Variants in ETV6 observed in about 807,000 individuals in gnomAD.
ETV6 encodes ETS variant transcription factor 6.
In ETV6, 16 loss-of-function variants were observed where a neutral mutation model predicts 51.1. The observed-to-expected ratio is 0.31, with a 90% CI of 0.21 to 0.48. The LOEUF (loss-of-function observed/expected upper bound fraction) is 0.48, where lower values mean the gene tolerates loss of function less well. Ranked by LOEUF, ETV6 falls within the 20% of genes least tolerant of loss-of-function variation. The pLI, the probability that ETV6 is intolerant of heterozygous loss-of-function variation, is 0.99. For missense variants in ETV6, 458 were observed against 594.8 expected, an observed-to-expected ratio of 0.77 and a Z score of 2.39; for synonymous variants, 240 against 224.1, an observed-to-expected ratio of 1.07 and a Z score of -0.64.
intron 2 of ETV6, among the ~76,000 whole-genome samples, chr12:11,754,648 A>G (rs759870856): frequency 3.6e-4 from 55 of 152,332 alleles, no homozygotes; most frequent in Non-Finnish European, 6.2e-4. Context: ...TTAAAGTACT[A>G]TGATTCTCAT....
chr12:11,775,270 C>A (rs1019395568), intron 2 of ETV6, among the ~76,000 whole-genome samples: 11 of 152,302 alleles, frequency 7.2e-5, no homozygotes, highest in African/African-American at 2.6e-4. Context: ...ATGGCAGAAA[C>A]CAGGGAAGCT....
intron 1 of ETV6, among the ~76,000 whole-genome samples, chr12:11,700,350 A>G (rs1165812085): frequency 6.6e-6 from 1 of 152,196 alleles, no homozygotes; most frequent in African/African-American, 2.4e-5. Flanking sequence ...ATTGTACCCA[A>G]TAGGTAGGTT....
chr12:11,823,087 C>T (rs1296806052), intron 2 of ETV6, among the ~76,000 whole-genome samples: 1 of 152,162 alleles, frequency 6.6e-6, no homozygotes, highest in African/African-American at 2.4e-5. Context: ...GAAGTTAGAG[C>T]TGACAGCAAG....
At chr12:11,842,476 G>A (rs894119677) in intron 3 of ETV6, among the ~76,000 whole-genome samples, 4 of 150,708 alleles carry the variant, frequency 2.7e-5, no homozygotes, top group Admixed American at 1.3e-4. Context: ...TTGCTACTCC[G>A]GATCCCTCCC....
At chr12:11,671,097 C>T (rs1332409712) in intron 1 of ETV6, among the ~76,000 whole-genome samples, 1 of 152,268 alleles carries the variant, frequency 6.6e-6, no homozygotes, top group African/African-American at 2.4e-5. Context: ...CTGCTCTCAT[C>T]CCACTTGTTC....
chr12:11,752,490 C>A lies in ETV6; in HGVS notation c.74C>A (p.Pro25Gln). Residue 25 changes from proline to glutamine, a missense_variant, in exon 2 of 8, where the codon CCG becomes CAG. Coordinates refer to ENST00000396373, the MANE Select transcript of ETV6 (RefSeq NM_001987.5). ...ISYTPPESPV[P>Q]SYASSTPLHV... ...TATACACCTCCAGAGAGCCCAGTGCCGAGTTACGCTTCCTCGACGCCACTT... is the reference window on the plus strand; with the variant it reads ...TATACACCTCCAGAGAGCCCAGTGCAGAGTTACGCTTCCTCGACGCCACTT... 1.2e-6 allele frequency: 2 copies of A among 1,613,934 alleles called. No homozygotes were observed. The highest frequency in any genetic ancestry group is 1.7e-6 in the Non-Finnish European group (2 of 1,179,934).
At chr12:11,667,947 G>A (rs957780616) in intron 1 of ETV6, among the ~76,000 whole-genome samples, 16 of 151,816 alleles carry the variant, frequency 1.1e-4, no homozygotes, top group Non-Finnish European at 1.5e-4. Context: ...CGATCCACCC[G>A]CTTCGGCCTC....
chr12:11,677,353 TCTGA>T (rs1171714711), intron 1 of ETV6, among the ~76,000 whole-genome samples: 8 of 152,188 alleles, frequency 5.3e-5, no homozygotes, highest in African/African-American at 1.7e-4. Context: ...CTTTCCTGGC[TCTGA>T]CTAAGAGAAC....
rs1865158831 is a variant in ETV6 at position 11,710,777 on chromosome 12, C to T, written c.34-41673C>T. ...TTCCTAGAAAGCTCTGGTTCTTTGA[C>T]AGAAGCCTTCTGGTGGCCACAGTTC... On this transcript the variant is annotated intron_variant, in intron 1 of 7. Coordinates refer to ENST00000396373, the MANE Select transcript of ETV6 (RefSeq NM_001987.5). Among the ~76,000 whole-genome samples the T allele has an allele frequency of 2.0e-5, 3 of 152,314 alleles. No individual in the cohort carries two copies. In the South Asian group the frequency reaches 6.2e-4, roughly 32 times the overall value.
chr12:11,678,167 T>C (rs998806213), intron 1 of ETV6, among the ~76,000 whole-genome samples: 6 of 152,250 alleles, frequency 3.9e-5, no homozygotes, highest in Non-Finnish European at 8.8e-5. Context: ...TTATAAGAAC[T>C]TTGGGCCAGA....
intron 1 of ETV6, among the ~76,000 whole-genome samples, chr12:11,693,695 C>T (rs1310446487): frequency 6.6e-6 from 1 of 152,184 alleles, no homozygotes; most frequent in African/African-American, 2.4e-5. Flanking sequence ...TTCTGCTACC[C>T]ACTTCTGGTG....
At chr12:11,799,466 G>A (rs1945717730) in intron 2 of ETV6, among the ~76,000 whole-genome samples, 1 of 152,190 alleles carries the variant, frequency 6.6e-6, no homozygotes, top group South Asian at 2.1e-4. Flanking sequence ...ATTGGAGTTG[G>A]TGGTCTTTCT....
At chr12:11,752,776 G>A in intron 2 of ETV6, 197 bp downstream of exon 2, 1 of 516,492 alleles carries the variant, frequency 1.9e-6, no homozygotes, top group Non-Finnish European at 3.3e-6. Context: ...TTGTTTCTCA[G>A]TGTATTCATT....
intron 3 of ETV6, chr12:11,840,645 G>T (rs1358042202): frequency 5.5e-6 from 2 of 364,426 alleles, no homozygotes; most frequent in Admixed American, 3.6e-5. Flanking sequence ...TATCTCCACT[G>T]TTCTTCCCAG....
chr12:11,702,476 A>G (rs1565491803), intron 1 of ETV6, among the ~76,000 whole-genome samples: 1 of 152,182 alleles, frequency 6.6e-6, no homozygotes, highest in Non-Finnish European at 1.5e-5. Context: ...CATAGTCTTC[A>G]TGGGCTAAGT....
At chr12:11,815,126 A>C (rs1208194624) in intron 2 of ETV6, among the ~76,000 whole-genome samples, 1 of 152,320 alleles carries the variant, frequency 6.6e-6, no homozygotes, top group South Asian at 2.1e-4. Context: ...CTTAGGACTT[A>C]GTGATGTTTT....
intron 4 of ETV6, among the ~76,000 whole-genome samples, chr12:11,854,794 A>T (rs1416012606): frequency 2.6e-5 from 4 of 152,128 alleles, no homozygotes; most frequent in Admixed American, 2.0e-4. Context: ...AAGAAAAAAA[A>T]ACCCAAATCT....
In ETV6 at chr12:11,853,538, T is replaced by A; in HGVS notation, c.440T>A (p.Ile147Lys). Reference sequence around the variant, plus strand: ...TCTATACACACACAGCCGGAGGTCATACTGCATCAGAACCATGAAGAAGGT... The same window carrying A: ...TCTATACACACACAGCCGGAGGTCAAACTGCATCAGAACCATGAAGAAGGT... ...GNSIHTQPEV[I>K]LHQNHEEDNC... Residue 147 changes from isoleucine to lysine, a missense_variant, in exon 4 of 8, where the codon ATA (isoleucine) becomes AAA (lysine). Around this residue, in one of 4 missense-constraint regions of ETV6, gnomAD observed 293 missense variants for 315.7 expected, o/e 0.93. Coordinates refer to ENST00000396373, the MANE Select transcript of ETV6 (RefSeq NM_001987.5). 6.2e-7 allele frequency: 1 copy of A among 1,614,286 alleles called. No homozygotes were observed. Among genetic ancestry groups the A allele is most frequent in the Non-Finnish European group, 8.5e-7 (1 of 1,180,048 alleles).
At position 11,869,131 on chromosome 12, in the gene ETV6, G is replaced by A. The variant is rs551508296; in HGVS notation, c.464-293G>A. ...GGCGCCTGTAGTCCCAGCTACTCGG[G>A]AGGCTGAGGCCGGAGAATGGCATGA... On this transcript the variant is annotated intron_variant, in intron 4 of 7. Coordinates refer to ENST00000396373, the MANE Select transcript of ETV6 (RefSeq NM_001987.5). The surrounding 1 kb of genome is among the most constrained non-coding windows in gnomAD (Gnocchi z 5.0). Among the ~76,000 whole-genome samples, 18 of 152,050 alleles carry A rather than the reference G, an allele frequency of 1.2e-4. 1 individual carries two copies. In the South Asian group the frequency reaches 3.5e-3, roughly 30 times the overall value.
Sources: gnomAD v4.1 joint callset for allele counts (sites outside exome capture counted in the v4.1 genomes callset) on GRCh38, gnomAD v4.1.1 for gene constraint, gnomAD v4.1.1 regional missense constraint, Gnocchi (gnomAD v3.1) non-coding constraint, MANE v1.5 for transcripts, NCBI Gene and HGNC (gene_info 2026-07-23, HGNC 2026-07-21) for gene names.